Variants in VPS53 observed in about 807,000 individuals in gnomAD.
The protein encoded by VPS53 is vacuolar protein sorting-associated protein 53 homolog.
VPS53 carries 70 observed loss-of-function variants against 107.0 expected under a neutral mutation model. The ratio of observed to expected loss-of-function variants is 0.65; its 90% confidence interval spans 0.54 to 0.80. The LOEUF is 0.80. VPS53 is among the 30% of genes least tolerant of loss of function. The probability of loss-of-function intolerance (pLI) is 0.00; values close to 1 mark genes in which losing one functional copy is unlikely to be tolerated. For missense variants in VPS53, 917 were observed against 1,049.4 expected (o/e 0.87, Z 1.74); for synonymous variants, 409 against 393.3 (o/e 1.04, Z -0.47).
At chr17:667,403 C>T (rs1001216411) in intron 4 of VPS53, among the ~76,000 whole-genome samples, 7 of 150,382 alleles carry the variant, frequency 4.7e-5, no homozygotes, top group African/African-American at 1.7e-4. Flanking sequence ...TGCTTGCATA[C>T]GTCTGCTTGG....
intron 14 of VPS53, 103 bp downstream of exon 14, chr17:562,400 G>C: frequency 1.3e-6 from 2 of 1,509,902 alleles, no homozygotes; most frequent in South Asian, 2.4e-5. Context: ...TTTCCTCCTT[G>C]ATACTCTTGG....
chr17:714,661 G>A lies in VPS53; in HGVS notation c.49C>T (p.Leu17=). Residue 17 remains leucine (L), a synonymous_variant, in exon 1 of 22, where the codon CTG becomes TTG. Transcript: ENST00000437048. ...LEFVEELEAV[L]QLTPEVQLAI... is the part of the protein sequence containing the mutation. ...AGCTGCACCTCGGGCGTGAGCTGCA[G>A]CACGGCTTCCAGCTCCTCCACGAAC... The A allele has an allele frequency of 6.2e-7, 1 of 1,613,152 alleles. No individual in the cohort carries two copies. Among genetic ancestry groups the A allele is most frequent in the Non-Finnish European group, 8.5e-7 (1 of 1,179,576 alleles).
rs980535200 is a variant in VPS53, at chr17:591,366, G to A, written c.1219-5002C>T. On this transcript the variant is annotated intron_variant, in intron 12 of 21. Coordinates refer to ENST00000437048, the MANE Select transcript of VPS53 (RefSeq NM_001128159.3). ...GTTAATTTTTTGAAGGGTTTTTTGT[G>A]TCTCTATTTCCTTCAGTTCTGCTCT... 3.3e-5 allele frequency among the ~76,000 whole-genome samples: 5 copies of A among 152,082 alleles called. No individual in the cohort carries two copies. In the South Asian group the frequency reaches 6.2e-4, roughly 19 times the overall value.
rs1555573784 is a variant in VPS53, at chr17:654,751, A to AAG, written c.488+1086_488+1087insCT. Among the ~76,000 whole-genome samples the AAG allele has an allele frequency of 1.9e-4, 28 of 148,102 alleles. 1 individual carries two copies. Among genetic ancestry groups the AAG allele is most frequent in the South Asian group, 1.3e-3 (6 of 4,716 alleles). Reference sequence around the variant, plus strand: ...GACTCCAACTCAAAAAAAAAAAAAAAAAAGAAAAAAGAAAAAGACAGGATC... The same window carrying AAG: ...GACTCCAACTCAAAAAAAAAAAAAAAAGAAAGAAAAAAGAAAAAGACAGGATC... On this transcript the variant is annotated intron_variant, in intron 6 of 21. Transcript: ENST00000437048.
At chr17:700,879 A>C (rs151231124) in intron 2 of VPS53, among the ~76,000 whole-genome samples, 13 of 152,324 alleles carry the variant, frequency 8.5e-5, no homozygotes, top group African/African-American at 1.2e-4. Flanking sequence ...TGGGAGGAGG[A>C]GGCCAGGTGC....
At chr17:602,595 G>A (rs1567666737) in intron 11 of VPS53, among the ~76,000 whole-genome samples, 1 of 152,196 alleles carries the variant, frequency 6.6e-6, no homozygotes, top group Non-Finnish European at 1.5e-5. Flanking sequence ...GAAGGCTGCA[G>A]GCAGGAGGCA....
chr17:619,628 A>C (rs12941852), intron 11 of VPS53, among the ~76,000 whole-genome samples: 1 of 30,624 alleles, frequency 3.3e-5, no homozygotes. Flanking sequence ...GCACCACCAC[A>C]CCCCGCTAAT....
intron 13 of VPS53, among the ~76,000 whole-genome samples, chr17:576,784 GC>G (rs943937933): frequency 6.9e-6 from 1 of 144,450 alleles, no homozygotes; most frequent in African/African-American, 2.6e-5. Flanking sequence ...GAACCTCAGT[GC>G]ATTTCCAGAG....
intron 1 of VPS53, among the ~76,000 whole-genome samples, chr17:712,305 G>A (rs557507410): frequency 6.7e-6 from 1 of 148,158 alleles, no homozygotes; most frequent in South Asian, 2.2e-4. Flanking sequence ...TCAACCTCCC[G>A]AGTAGCTGAG....
chr17:595,543 C>CCT lies in VPS53; in HGVS notation c.1218+6251_1218+6252insAG, dbSNP rs143259585. ...TTGATGATGCACTCTAGTGCCCCCC[C>CCT]GGAGGAAGCTGGGAGATGGGAAGGG... On this transcript the variant is annotated intron_variant, in intron 12 of 21. Coordinates refer to ENST00000437048, the MANE Select transcript of VPS53 (RefSeq NM_001128159.3). Among the ~76,000 whole-genome samples the CCT allele has an allele frequency of 7.7e-4, 11 of 14,308 alleles. 2 individuals carry two copies. Among genetic ancestry groups the CCT allele is most frequent in the Admixed American group, 2.1e-3 (3 of 1,454 alleles). 9.4% of individuals were successfully genotyped at this position (14,308 alleles called of 152,430 possible).
At chr17:585,130 G>C (rs941034503) in intron 13 of VPS53, among the ~76,000 whole-genome samples, 6 of 152,194 alleles carry the variant, frequency 3.9e-5, no homozygotes, top group Non-Finnish European at 5.9e-5. Flanking sequence ...GAGAAAAATA[G>C]TAACTTCACA....
intron 4 of VPS53, among the ~76,000 whole-genome samples, chr17:662,899 C>A (rs563030568): frequency 3.7e-4 from 50 of 135,382 alleles, no homozygotes; most frequent in East Asian, 3.1e-3. Context: ...GGAAGGCAGG[C>A]AGGCAGGCAG....
intron 2 of VPS53, among the ~76,000 whole-genome samples, chr17:703,006 G>C (rs1479502423): frequency 6.6e-6 from 1 of 152,176 alleles, no homozygotes; most frequent in African/African-American, 2.4e-5. Flanking sequence ...AGCAGTTCAA[G>C]ACCAGTCTCT....
intron 10 of VPS53, among the ~76,000 whole-genome samples, chr17:624,000 C>T (rs148420172): frequency 6.6e-6 from 1 of 151,178 alleles, no homozygotes; most frequent in African/African-American, 2.4e-5. Context: ...ACCTCCACCT[C>T]CTGGGTTCAA....
intron 2 of VPS53, among the ~76,000 whole-genome samples, chr17:708,825 AC>A (rs1973518749): frequency 6.6e-6 from 1 of 152,134 alleles, no homozygotes; most frequent in African/African-American, 2.4e-5. Flanking sequence ...AATACTAAAG[AC>A]TAATGATTGA....
chr17:540,585 G>A (rs1288625721), intron 17 of VPS53: 3 of 152,116 alleles, frequency 2.0e-5, no homozygotes, highest in Non-Finnish European at 2.9e-5. Context: ...CAGTAGAAAT[G>A]AGACCTCAAC....
rs535967956 is a variant in VPS53 at position 600,452 on chromosome 17, T to C, written c.1218+1343A>G. On this transcript the variant is annotated intron_variant, in intron 12 of 21. Transcript: ENST00000437048. Reference sequence around the variant, plus strand: ...CCTAGTCCCTGCTCCCAAAATGCAATTGAGAACTGCATTTAATTAGTTACA... The same window carrying C: ...CCTAGTCCCTGCTCCCAAAATGCAACTGAGAACTGCATTTAATTAGTTACA... Among the ~76,000 whole-genome samples the C allele has an allele frequency of 9.3e-4, 142 of 152,326 alleles. 1 individual carries two copies. Among genetic ancestry groups the C allele is most frequent in the African/African-American group, 3.1e-3 (130 of 41,582 alleles).
chr17:582,541 TC>T (rs1967083741), intron 13 of VPS53, among the ~76,000 whole-genome samples: 1 of 133,546 alleles, frequency 7.5e-6, no homozygotes, highest in Non-Finnish European at 1.6e-5. Context: ...CCACAGAAGC[TC>T]AATGCGTTCC....
intron 5 of VPS53, among the ~76,000 whole-genome samples, chr17:660,697 G>A (rs1409064528): frequency 6.8e-6 from 1 of 147,020 alleles, no homozygotes; most frequent in African/African-American, 2.5e-5. Context: ...AAGGACGAGG[G>A]CCCCTGGGTG....
Sources: gnomAD v4.1 joint callset for allele counts (sites outside exome capture counted in the v4.1 genomes callset) on GRCh38, gnomAD v4.1.1 for gene constraint, MANE v1.5 for transcripts, NCBI Gene and HGNC (gene_info 2026-07-23, HGNC 2026-07-21) for gene names.